HNRNPM: variants seen among roughly 807,000 people sequenced by gnomAD.
HNRNPM encodes heterogeneous nuclear ribonucleoprotein M.
HNRNPM carries 11 observed loss-of-function variants against 73.1 expected under a neutral mutation model. The ratio of observed to expected loss-of-function variants is 0.15; its 90% CI spans 0.09 to 0.25. HNRNPM has a LOEUF of 0.25. Ranked by LOEUF, HNRNPM falls within the 10% of genes least tolerant of loss-of-function variation. The pLI, the probability that HNRNPM is intolerant of heterozygous loss-of-function variation, is 1.00. For missense variants in HNRNPM, 789 were observed against 1,067.9 expected (o/e 0.74, Z 3.64); for synonymous variants, 407 against 355.2 (o/e 1.15, Z -1.64).
At chr19:8,472,039 C>T (rs745768367) in intron 10 of HNRNPM, among the ~76,000 whole-genome samples, 21 of 152,154 alleles carry the variant, frequency 1.4e-4, no homozygotes, top group African/African-American at 4.6e-4. Flanking sequence ...GGCGTGGTGG[C>T]GCACGCCTGT....
chr19:8,472,801 G>A (rs780695009), intron 10 of HNRNPM, among the ~76,000 whole-genome samples: 1 of 152,130 alleles, frequency 6.6e-6, no homozygotes, highest in African/African-American at 2.4e-5. Flanking sequence ...AGGCCGGGCT[G>A]GAACTCCTGA....
intron 5 of HNRNPM, among the ~76,000 whole-genome samples, chr19:8,464,218 C>T (rs1033513584): frequency 3.4e-5 from 5 of 147,198 alleles, no homozygotes; most frequent in African/African-American, 1.3e-4. Flanking sequence ...GCACTCCAGC[C>T]CGGGCAACAG....
chr19:8,475,040 TATA>T (rs1568288611), intron 12 of HNRNPM, among the ~76,000 whole-genome samples: 1 of 152,198 alleles, frequency 6.6e-6, no homozygotes, highest in Non-Finnish European at 1.5e-5. Context: ...TTAGCAGAAA[TATA>T]ATAATATAAT....
chr19:8,463,455 CCCTT>C (rs755536172), intron 3 of HNRNPM, 38 bp from the exon 4 acceptor site: 9 of 1,606,220 alleles, frequency 5.6e-6, no homozygotes, highest in South Asian at 1.1e-5. Context: ...TTTCTTTTTC[CCCTT>C]CCTTGCTCTT....
intron 12 of HNRNPM, among the ~76,000 whole-genome samples, chr19:8,478,778 C>T (rs755532465): frequency 6.6e-6 from 1 of 152,046 alleles, no homozygotes; most frequent in African/African-American, 2.4e-5. Context: ...ACTTTCTGGC[C>T]CCCTAGGCCT....
intron 14 of HNRNPM, 118 bp downstream of exon 14, chr19:8,486,523 A>C (rs923234909): frequency 2.5e-6 from 2 of 803,574 alleles, no homozygotes; most frequent in African/African-American, 1.7e-5. Context: ...CCTCCTTGCC[A>C]CTGTCCCAAA....
chr19:8,472,205 CTTTGATGTGT>C (rs572065639), intron 10 of HNRNPM, among the ~76,000 whole-genome samples: 3,193 of 149,510 alleles, frequency 0.021, 65 homozygotes, highest in Middle Eastern at 0.074. Flanking sequence ...TGCATGAAAG[CTTTGATGTGT>C]AGAATAAACT....
chr19:8,455,346 C>A lies in HNRNPM; in HGVS notation c.114-59C>A, dbSNP rs2040226473. 2.7e-5 allele frequency: 38 copies of A among 1,388,452 alleles called. No individual in the cohort carries two copies. In the South Asian group the frequency reaches 4.1e-4, roughly 15 times the overall value. 86.0% of individuals were successfully genotyped at this position (1,388,452 alleles called of 1,614,324 possible). ...TAAACCTGGCAAATCAAATAATTATCTTTCACATTGTGCTGACATATAAAC... is the reference window on the plus strand; with the variant it reads ...TAAACCTGGCAAATCAAATAATTATATTTCACATTGTGCTGACATATAAAC... On this transcript the variant is annotated intron_variant, in intron 1 of 15. Transcript: ENST00000325495.
chr19:8,485,977 C>T lies in HNRNPM; in HGVS notation c.1549C>T (p.Arg517Cys), dbSNP rs1198305793. 2 of 1,602,762 alleles carry T rather than the reference C, an allele frequency of 1.2e-6. No individual in the cohort carries two copies. The highest frequency in any genetic ancestry group is 1.7e-6 in the Non-Finnish European group (2 of 1,176,170). ...TGAGCGCATGGGCTCTGGCGTGGAG[C>T]GCATGGGCCCTGCCATCGAGCGCAT... ...TIERMGSGVE[R>C]MGPAIERMGL... The change falls in exon 14 of 16, where the codon CGC becomes TGC. Residue 517 changes from arginine to cysteine, a missense_variant. This residue lies in a region of HNRNPM where 604 missense variants were observed against 744.0 expected (regional missense o/e 0.81). Transcript: ENST00000325495.
intron 10 of HNRNPM, 48 bp from the exon 11 acceptor site, chr19:8,473,616 T>C: frequency 1.7e-6 from 2 of 1,178,014 alleles, no homozygotes; most frequent in South Asian, 2.5e-5. Flanking sequence ...CAAACGTTAT[T>C]TACTGCTTTG....
intron 12 of HNRNPM, among the ~76,000 whole-genome samples, chr19:8,477,176 CCT>C (rs1394920630): frequency 1.3e-5 from 2 of 152,050 alleles, no homozygotes; most frequent in Non-Finnish European, 2.9e-5. Flanking sequence ...TCTTCAAGGC[CCT>C]CTCAGCATGG....
intron 12 of HNRNPM, among the ~76,000 whole-genome samples, chr19:8,482,345 G>C (rs1970981005): frequency 6.6e-6 from 1 of 152,178 alleles, no homozygotes; most frequent in African/African-American, 2.4e-5. Context: ...TATACTTTGA[G>C]ACCAGAGCGG....
chr19:8,468,833 C>G lies in HNRNPM; in HGVS notation c.894C>G (p.Pro298=). Residue 298 remains proline (P), a splice_region_variant and synonymous_variant, in exon 9 of 16, where the codon CCC becomes CCG. Coordinates refer to ENST00000325495, the MANE Select transcript of HNRNPM (RefSeq NM_005968.5). ...CTCCTGAGCGTCCACAACAACTTCCCCGTAAGTGTTTCAGTGATTAGGGCT... is the reference window on the plus strand; with the variant it reads ...CTCCTGAGCGTCCACAACAACTTCCGCGTAAGTGTTTCAGTGATTAGGGCT... The part of the protein sequence containing the change: ...FFPPERPQQL[P]HGLGGIGMGL... 1 of 1,611,110 alleles carries G rather than the reference C, an allele frequency of 6.2e-7. No individual in the cohort carries two copies. The highest frequency in any genetic ancestry group is 2.2e-5 in the East Asian group (1 of 44,868).
chr19:8,472,813 C>A (rs1970242979), intron 10 of HNRNPM, among the ~76,000 whole-genome samples: 1 of 152,160 alleles, frequency 6.6e-6, no homozygotes. Flanking sequence ...AACTCCTGAC[C>A]TCAGGTGATC....
chr19:8,456,046 T>C (rs1599761017), intron 2 of HNRNPM, among the ~76,000 whole-genome samples: 1 of 152,040 alleles, frequency 6.6e-6, no homozygotes, highest in East Asian at 1.9e-4. Flanking sequence ...CTGGACCTTA[T>C]GCTTCTCAGA....
chr19:8,451,995 A>G (rs1449051797), intron 1 of HNRNPM, among the ~76,000 whole-genome samples: 1 of 152,206 alleles, frequency 6.6e-6, no homozygotes. Context: ...TCTCAGAGGG[A>G]ATGATTAGCC....
chr19:8,462,372 T>C lies in HNRNPM; in HGVS notation c.284-157T>C, dbSNP rs1969464286. ...TTCACCTACTTTTACTGCACACCTG[T>C]AATGCCTAGTTCGGTGGTTTAGAGA... On this transcript the variant is annotated intron_variant, in intron 2 of 15. Coordinates refer to ENST00000325495, the MANE Select transcript of HNRNPM (RefSeq NM_005968.5). This position sits in a 1 kb window ranked among gnomAD's most constrained non-coding sequence, Gnocchi z 4.5. The C allele has an allele frequency of 4.4e-6, 3 of 674,376 alleles. No homozygotes were observed. Among genetic ancestry groups the C allele is most frequent in the Non-Finnish European group, 5.4e-6 (2 of 369,192 alleles). The allele number at this position is 674,376 out of a possible 1,614,324, so 41.8% of individuals were successfully genotyped here.
Position 8,448,514 on chromosome 19 carries a change from A to G in HNRNPM, c.113+3403A>G, listed in dbSNP as rs569248056. Among the ~76,000 whole-genome samples the G allele has an allele frequency of 6.1e-5, 9 of 148,128 alleles. No homozygotes were observed. In the East Asian group the frequency reaches 1.8e-3, roughly 29 times the overall value. On this transcript the variant is annotated intron_variant, in intron 1 of 15. Transcript: ENST00000325495. ...GAGATGGAGTCTCGCTCTGTTGCCCAGGCTGGAGTGCAGTGGCGCGATCTC... is the reference window on the plus strand; with the variant it reads ...GAGATGGAGTCTCGCTCTGTTGCCCGGGCTGGAGTGCAGTGGCGCGATCTC...
intron 12 of HNRNPM, among the ~76,000 whole-genome samples, chr19:8,477,732 C>T (rs1408483125): frequency 6.6e-6 from 1 of 151,006 alleles, no homozygotes; most frequent in Non-Finnish European, 1.5e-5. Context: ...ACCCAAACCC[C>T]GTTATGTAGA....
Sources: gnomAD v4.1 joint callset for allele counts (sites outside exome capture counted in the v4.1 genomes callset) on GRCh38, gnomAD v4.1.1 for gene constraint, gnomAD v4.1.1 regional missense constraint, Gnocchi (gnomAD v3.1) non-coding constraint, MANE v1.5 for transcripts, NCBI Gene and HGNC (gene_info 2026-07-23, HGNC 2026-07-21) for gene names.